The following CNTNAP2 variants were observed in gnomAD, a reference collection of about 807,000 sequenced individuals.
CNTNAP2 encodes contactin associated protein 2.
Under a neutral mutation model 155.2 loss-of-function variants are expected in CNTNAP2, and 98 were observed. That is an observed-to-expected ratio of 0.63 (90% CI 0.54 to 0.75). CNTNAP2 has a LOEUF of 0.75. CNTNAP2 is among the 30% of genes least tolerant of loss of function. The pLI is 0.00. For synonymous variants in CNTNAP2, 651 were observed against 631.2 expected, an observed-to-expected ratio of 1.03 and a Z score of -0.47; for missense variants, 1,727 against 1,688.1, an observed-to-expected ratio of 1.02 and a Z score of -0.40.
rs112961709 is a variant in CNTNAP2, at chr7:147,351,784, A to G, written c.1499-43825A>G. Among the ~76,000 whole-genome samples the G allele has an allele frequency of 5.0e-4, 76 of 152,012 alleles. 1 individual carries two copies. The highest frequency in any genetic ancestry group is 1.8e-3 in the African/African-American group (74 of 41,554). ...AGAATTATTAAAAGGAAAGCTTCAAAGCTAAATCTTCAATGGTAGCTAAAG... is the reference window on the plus strand; with the variant it reads ...AGAATTATTAAAAGGAAAGCTTCAAGGCTAAATCTTCAATGGTAGCTAAAG... On this transcript the variant is annotated intron_variant, in intron 9 of 23. Coordinates refer to ENST00000361727, the MANE Select transcript of CNTNAP2 (RefSeq NM_014141.6).
At chr7:147,180,044 C>T (rs1269307641) in intron 8 of CNTNAP2, among the ~76,000 whole-genome samples, 1 of 151,978 alleles carries the variant, frequency 6.6e-6, no homozygotes, top group Non-Finnish European at 1.5e-5. Flanking sequence ...CGAAGGGTGA[C>T]CTGTTAAAGA....
At chr7:147,619,452 C>G (rs576427392) in intron 12 of CNTNAP2, among the ~76,000 whole-genome samples, 1 of 152,318 alleles carries the variant, frequency 6.6e-6, no homozygotes, top group South Asian at 2.1e-4. Flanking sequence ...TCTTCCACTG[C>G]CCTGAAGGGT....
chr7:146,902,853 C>T (rs111543942), intron 3 of CNTNAP2, among the ~76,000 whole-genome samples: 4,408 of 152,262 alleles, frequency 0.029, 101 homozygotes, highest in Middle Eastern at 0.082. Flanking sequence ...GATGGGCCCT[C>T]GATGACATGG....
intron 1 of CNTNAP2, among the ~76,000 whole-genome samples, chr7:146,476,092 G>A (rs1796873552): frequency 6.6e-6 from 1 of 152,108 alleles, no homozygotes; most frequent in Non-Finnish European, 1.5e-5. Context: ...TTTCCCATTA[G>A]GCTATCTACT....
At chr7:146,658,381 T>A (rs1308770933) in intron 1 of CNTNAP2, among the ~76,000 whole-genome samples, 2 of 108,158 alleles carry the variant, frequency 1.8e-5, no homozygotes, top group Non-Finnish European at 4.3e-5. Flanking sequence ...AGGTGATTTC[T>A]GCCAAAAAAA....
chr7:147,481,929 G>A (rs1402178476), intron 10 of CNTNAP2, among the ~76,000 whole-genome samples: 1 of 151,856 alleles, frequency 6.6e-6, no homozygotes, highest in East Asian at 1.9e-4. Context: ...GCAAGAGTCT[G>A]GATTTGAGAA....
chr7:147,060,373 G>A (rs1799640322), intron 4 of CNTNAP2, among the ~76,000 whole-genome samples: 1 of 152,136 alleles, frequency 6.6e-6, no homozygotes, highest in South Asian at 2.1e-4. Flanking sequence ...GTGAAGAAAA[G>A]CAGAATATAA....
intron 1 of CNTNAP2, among the ~76,000 whole-genome samples, chr7:146,733,141 T>C (rs1801554660): frequency 1.3e-5 from 2 of 152,090 alleles, no homozygotes; most frequent in South Asian, 2.1e-4. Context: ...ATGAGCTAAA[T>C]AGACTGATTT....
intron 9 of CNTNAP2, among the ~76,000 whole-genome samples, chr7:147,382,784 C>T (rs1012012078): frequency 6.6e-6 from 1 of 152,100 alleles, no homozygotes; most frequent in Admixed American, 6.5e-5. Flanking sequence ...GACAAGAAGT[C>T]AGTACAGGAG....
chr7:147,504,839 T>TATATATATATAG (rs35388373), intron 11 of CNTNAP2, among the ~76,000 whole-genome samples: 12 of 150,362 alleles, frequency 8.0e-5, no homozygotes, highest in Admixed American at 2.0e-4. Context: ...TATATATATA[T>TATATATATATAG]GAATCAGAAA....
Position 147,140,221 on chromosome 7 carries a change from A to G in CNTNAP2, c.1348+7712A>G, listed in dbSNP as rs191766885. ...GTCTGTTCTCTCTACAATCACTTCT[A>G]GTCTTTCTTCTAGCACTTCCAGGCT... On this transcript the variant is annotated intron_variant, in intron 8 of 23. Transcript: ENST00000361727. Among the ~76,000 whole-genome samples, 7 of 152,110 alleles carry G rather than the reference A, an allele frequency of 4.6e-5. No homozygotes were observed. The East Asian group carries it at 1.4e-3, about 30-fold the overall frequency.
At chr7:147,487,199 G>GT (rs1395942875) in intron 11 of CNTNAP2, among the ~76,000 whole-genome samples, 1 of 151,982 alleles carries the variant, frequency 6.6e-6, no homozygotes, top group Non-Finnish European at 1.5e-5. Flanking sequence ...ACATTTATTT[G>GT]TTTAGGTAGA....
chr7:148,411,586 T>TGG (rs1026077281), intron 23 of CNTNAP2, among the ~76,000 whole-genome samples: 11 of 151,874 alleles, frequency 7.2e-5, no homozygotes, highest in Non-Finnish European at 1.6e-4. Flanking sequence ...TTATAGTTTG[T>TGG]GGTTGGTTTG....
At chr7:147,520,761 A>G (rs189687585) in intron 11 of CNTNAP2, among the ~76,000 whole-genome samples, 1 of 152,296 alleles carries the variant, frequency 6.6e-6, no homozygotes, top group Non-Finnish European at 1.5e-5. Flanking sequence ...GAAAATTCCA[A>G]TTCACTAAAC....
intron 3 of CNTNAP2, among the ~76,000 whole-genome samples, chr7:147,003,178 A>C (rs1798459644): frequency 6.6e-6 from 1 of 152,012 alleles, no homozygotes; most frequent in African/African-American, 2.4e-5. Context: ...ACAAAAAATG[A>C]AAGTCCTATA....
At chr7:147,810,078 A>G (rs1413829684) in intron 13 of CNTNAP2, among the ~76,000 whole-genome samples, 1 of 152,192 alleles carries the variant, frequency 6.6e-6, no homozygotes, top group Admixed American at 6.5e-5. Context: ...TGGATGTTGG[A>G]AAGTATTTTC....
At chr7:148,270,178 A>G (rs1796749504) in intron 21 of CNTNAP2, among the ~76,000 whole-genome samples, 1 of 152,202 alleles carries the variant, frequency 6.6e-6, no homozygotes, top group Non-Finnish European at 1.5e-5. Flanking sequence ...GTGAACAAAT[A>G]ACATCATAAA....
chr7:147,115,652 G>A (rs1800970999), intron 5 of CNTNAP2, among the ~76,000 whole-genome samples: 1 of 152,048 alleles, frequency 6.6e-6, no homozygotes, highest in Non-Finnish European at 1.5e-5. Context: ...GTGTTTTTCA[G>A]CTCTAACATG....
intron 1 of CNTNAP2, among the ~76,000 whole-genome samples, chr7:146,371,293 A>C (rs974971859): frequency 9.9e-5 from 15 of 151,094 alleles, no homozygotes; most frequent in Admixed American, 2.6e-4. Flanking sequence ...CTCTTGTTCC[A>C]TGTGTATATT....
Sources: allele counts gnomAD v4.1 joint callset (sites outside exome capture counted in the v4.1 genomes callset), GRCh38; gene constraint gnomAD v4.1.1; transcripts MANE v1.5; gene names NCBI Gene and HGNC (gene_info 2026-07-23, HGNC 2026-07-21).